NUP54: variants seen among roughly 807,000 people sequenced by gnomAD.
NUP54 encodes the protein nucleoporin 54.
In NUP54, 27 loss-of-function variants were observed where a neutral mutation model predicts 66.4. The observed-to-expected ratio is 0.41, with a 90% CI of 0.30 to 0.56. The LOEUF (loss-of-function observed/expected upper bound fraction) is 0.56, where lower values mean the gene tolerates loss of function less well. Ranked by LOEUF, NUP54 falls within the 20% of genes least tolerant of loss-of-function variation. The probability of loss-of-function intolerance (pLI) is 0.34; values close to 1 mark genes in which losing one functional copy is unlikely to be tolerated. For missense variants in NUP54, 486 were observed against 596.3 expected (o/e 0.82, Z 1.93); for synonymous variants, 206 against 210.7 (o/e 0.98, Z 0.19).
chr4:76,138,766 G>A (rs1011299696), intron 3 of NUP54, among the ~76,000 whole-genome samples: 4 of 152,132 alleles, frequency 2.6e-5, no homozygotes, highest in African/African-American at 9.7e-5. Flanking sequence ...AACAGTATGT[G>A]TAACATCTCT....
At chr4:76,134,813 T>C (rs1230219013) in intron 4 of NUP54, among the ~76,000 whole-genome samples, 1 of 152,118 alleles carries the variant, frequency 6.6e-6, no homozygotes, top group Non-Finnish European at 1.5e-5. Context: ...AAACCATACA[T>C]GGAATTCTGA....
At chr4:76,133,740 A>T (rs1392976326) in intron 5 of NUP54, among the ~76,000 whole-genome samples, 4 of 152,208 alleles carry the variant, frequency 2.6e-5, no homozygotes, top group Non-Finnish European at 4.4e-5. Flanking sequence ...CTGTTCAATT[A>T]TTGCATCTCA....
rs1353157826 is a variant in NUP54 at position 76,115,186 on chromosome 4, G to C, written c.*180C>G. The C allele has an allele frequency of 1.3e-5, 6 of 447,884 alleles. No individual in the cohort carries two copies. The highest frequency in any genetic ancestry group is 2.3e-5 in the Non-Finnish European group (6 of 264,096). The allele number at this position is 447,884 out of a possible 1,614,324, so 27.7% of individuals were successfully genotyped here. On this transcript the variant is annotated 3_prime_UTR_variant, in exon 12 of 12. Transcript: ENST00000264883. ...AAATCTTTCAAAGGTTTTCTTTGAA[G>C]AGCTGTGAGGTGACTATTTCAGATT...
intron 1 of NUP54, among the ~76,000 whole-genome samples, chr4:76,145,049 TG>T (rs970267972): frequency 6.6e-6 from 1 of 152,134 alleles, no homozygotes; most frequent in African/African-American, 2.4e-5. Context: ...CTGGGCGCGG[TG>T]GCTCATGCCT....
In NUP54 at chr4:76,144,260, C is replaced by T; in HGVS notation, c.184G>A (p.Gly62Arg). The T allele has an allele frequency of 6.2e-7, 1 of 1,613,864 alleles. No individual in the cohort carries two copies. The highest frequency in any genetic ancestry group is 1.1e-5 in the South Asian group (1 of 91,060). Residue 62 changes from glycine to arginine, a missense_variant, in exon 3 of 12, where the codon GGA becomes AGA. Physicochemically the swap from Gly to Arg is moderately radical, Grantham distance 125 (BLOSUM62 -2). This residue lies in a region of NUP54 where 145 missense variants were observed against 137.1 expected (regional missense o/e 1.06). Transcript: ENST00000264883. ...GTTGTGCCAAAACCAGTACCAAATCCAAAACCTTTGTTCTGAGTACCACCA... is the reference window on the plus strand; with the variant it reads ...GTTGTGCCAAAACCAGTACCAAATCTAAAACCTTTGTTCTGAGTACCACCA... ...LFGGTQNKGFGFGTGFGTTTG... is the reference protein window; with the variant it reads ...LFGGTQNKGFRFGTGFGTTTG...
At chr4:76,124,843 G>C (rs1350598405) in intron 8 of NUP54, 87 bp from the exon 9 acceptor site, 4 of 555,872 alleles carry the variant, frequency 7.2e-6, no homozygotes, top group African/African-American at 1.9e-5. Context: ...TCTAATCTTG[G>C]GATAAGCCTG....
At chr4:76,143,981 G>A (rs1401745855) in intron 3 of NUP54, 168 bp downstream of exon 3, 2 of 660,170 alleles carry the variant, frequency 3.0e-6, no homozygotes, top group Non-Finnish European at 5.0e-6. Flanking sequence ...GCCAATCAGT[G>A]TTCTCCCCAG....
intron 7 of NUP54, 158 bp from the exon 8 acceptor site, chr4:76,130,907 T>A: frequency 1.6e-6 from 1 of 616,436 alleles, no homozygotes. Context: ...CCAAAGAGAT[T>A]TTATTCAACC....
At chr4:76,131,752 T>C (rs1342380855) in intron 6 of NUP54, among the ~76,000 whole-genome samples, 1 of 152,060 alleles carries the variant, frequency 6.6e-6, no homozygotes, top group Non-Finnish European at 1.5e-5. Context: ...CTAACATACA[T>C]AATATTGACT....
Position 76,115,188 on chromosome 4 carries a change from G to T in NUP54, c.*178C>A. The stretch of plus-strand genomic sequence containing the variant: ...ATCTTTCAAAGGTTTTCTTTGAAGA[G>T]CTGTGAGGTGACTATTTCAGATTTG... On this transcript the variant is annotated 3_prime_UTR_variant, in exon 12 of 12. Transcript: ENST00000264883. 1 of 474,448 alleles carries T rather than the reference G, an allele frequency of 2.1e-6. No individual in the cohort carries two copies. Among genetic ancestry groups the T allele is most frequent in the Non-Finnish European group, 3.6e-6 (1 of 280,738 alleles). The allele number at this position is 474,448 out of a possible 1,614,324, so 29.4% of individuals were successfully genotyped here. A position where few individuals can be genotyped will look rare whatever the true frequency, so the allele number is the denominator to read the frequency against.
intron 8 of NUP54, among the ~76,000 whole-genome samples, chr4:76,125,334 A>ACGTG (rs1367192536): frequency 6.9e-6 from 1 of 145,440 alleles, no homozygotes; most frequent in African/African-American, 2.5e-5. Flanking sequence ...ACACACACAC[A>ACGTG]CACACACACA....
chr4:76,130,148 T>G (rs1730739426), intron 8 of NUP54, among the ~76,000 whole-genome samples: 1 of 151,712 alleles, frequency 6.6e-6, no homozygotes, highest in Admixed American at 6.6e-5. Flanking sequence ...ACCCAGCTAA[T>G]TTTTGAATTT....
intron 4 of NUP54, 44 bp downstream of exon 4, chr4:76,136,142 T>C (rs983606002): frequency 2.3e-6 from 3 of 1,322,458 alleles, no homozygotes; most frequent in African/African-American, 2.9e-5. Flanking sequence ...TATTTTCTGT[T>C]ATACAAAATC....
At chr4:76,128,009 G>T (rs1241992026) in intron 8 of NUP54, among the ~76,000 whole-genome samples, 3 of 152,138 alleles carry the variant, frequency 2.0e-5, no homozygotes, top group African/African-American at 7.2e-5. Flanking sequence ...CTTGTGGTGA[G>T]TTTACCCATT....
chr4:76,147,689 G>A (rs757795564), intron 1 of NUP54: 7 of 1,227,320 alleles, frequency 5.7e-6, no homozygotes, highest in African/African-American at 1.6e-5. Flanking sequence ...GGGGGAGAGG[G>A]AAAAAGAAAA....
At chr4:76,123,851 G>A (rs11733489) in intron 9 of NUP54, among the ~76,000 whole-genome samples, 20,020 of 152,014 alleles carry the variant, frequency 0.13, 1,549 homozygotes, top group East Asian at 0.35. Flanking sequence ...TATATCTACG[G>A]TGATGCCTCT....
chr4:76,134,301 A>C lies in NUP54; in HGVS notation c.584T>G (p.Phe195Cys). The C allele has an allele frequency of 1.2e-6, 2 of 1,613,792 alleles. No individual in the cohort carries two copies. Among genetic ancestry groups the C allele is most frequent in the African/African-American group, 1.3e-5 (1 of 75,024 alleles). The stretch of plus-strand genomic sequence containing the variant: ...TCGAATCTCTGTTTCTTTTTTGTTG[A>C]AAACTAAAACCACTAGCCCATCTTC... Reference protein sequence around the residue: ...KDEDGLVVLVFNKKETEIRSQ... With the variant: ...KDEDGLVVLVCNKKETEIRSQ... Residue 195 changes from phenylalanine (F) to cysteine (C), a missense_variant, in exon 5 of 12, where the codon TTC becomes TGC. By Grantham distance (205) the Phe-to-Cys change is radical. This residue lies in a region of NUP54 where 217 missense variants were observed against 247.9 expected (regional missense o/e 0.88). Transcript: ENST00000264883.
At chr4:76,146,141 C>A (rs1252481609) in intron 1 of NUP54, 1 of 443,766 alleles carries the variant, frequency 2.3e-6, no homozygotes, top group Non-Finnish European at 4.5e-6. Flanking sequence ...TGCAAGTATA[C>A]AAAATAAAAA....
intron 3 of NUP54, among the ~76,000 whole-genome samples, chr4:76,140,486 T>C (rs1731223205): frequency 1.3e-5 from 2 of 152,030 alleles, no homozygotes; most frequent in Non-Finnish European, 2.9e-5. Flanking sequence ...GGTTTCACCA[T>C]GTTGGCCAGG....
Sources: allele counts gnomAD v4.1 joint callset (sites outside exome capture counted in the v4.1 genomes callset), GRCh38; gene constraint gnomAD v4.1.1; regional missense constraint gnomAD v4.1.1; transcripts MANE v1.5; gene names NCBI Gene and HGNC (gene_info 2026-07-23, HGNC 2026-07-21).